Variants in ZNF536 observed in about 807,000 individuals in gnomAD.
ZNF536 encodes the protein zinc finger protein 536.
ZNF536 carries 13 observed loss-of-function variants against 84.5 expected under a neutral mutation model. The ratio of observed to expected loss-of-function variants is 0.15; its 90% CI spans 0.10 to 0.24. The LOEUF is 0.24. ZNF536 is among the 10% of genes least tolerant of loss of function. The pLI is 1.00. For missense variants in ZNF536, 1,536 were observed against 1,747.5 expected (o/e 0.88, Z 2.16); for synonymous variants, 811 against 742.5 (o/e 1.09, Z -1.50).
chr19:30,443,712 C>T lies in ZNF536; in HGVS notation c.150C>T (p.Leu50=), dbSNP rs778482494. 6.2e-7 allele frequency: 1 copy of T among 1,613,694 alleles called. No homozygotes were observed. Among genetic ancestry groups the T allele is most frequent in the Non-Finnish European group, 8.5e-7 (1 of 1,179,894 alleles). Residue 50 remains leucine, a synonymous_variant, in exon 2 of 5, where the codon CTC becomes CTT. Coordinates refer to ENST00000355537, the MANE Select transcript of ZNF536 (RefSeq NM_014717.3). ...AGCTCAGCCATGCCTTCCCCGAGCT[C>T]CATCCCCGGCCCAACCCCGAGGAGA... is the stretch of plus-strand genomic sequence containing the variant. ...TSQLSHAFPE[L]HPRPNPEEKP...
At position 30,554,900 on chromosome 19, in the gene ZNF536, G is replaced by A. The variant is rs573986176; in HGVS notation, c.3896-2257G>A. The A allele has an allele frequency of 9.5e-4, 145 of 152,338 alleles. 2 individuals are homozygous for A. The highest frequency in any genetic ancestry group is 3.5e-3 in the African/African-American group (144 of 41,566). The allele number at this position is 152,338 out of a possible 1,614,324, so 9.4% of individuals were successfully genotyped here. On this transcript the variant is annotated intron_variant, in intron 4 of 4. Transcript: ENST00000355537. ...GTCCTCTGTTATTCTGCTGGACAGT[G>A]AGATGGTGATGGGAGACCCCTCATC...
intron 1 of ZNF536, among the ~76,000 whole-genome samples, chr19:30,257,981 G>C (rs1389533689): frequency 6.6e-6 from 1 of 152,180 alleles, no homozygotes; most frequent in Non-Finnish European, 1.5e-5. Flanking sequence ...GGACTCTGCA[G>C]AACTAGGGCA....
At chr19:30,649,038 G>A (rs912665914) in intron 1 of ZNF536, among the ~76,000 whole-genome samples, 1 of 152,132 alleles carries the variant, frequency 6.6e-6, no homozygotes, top group African/African-American at 2.4e-5. Context: ...AGGACGGCTG[G>A]GGTCCTGATT....
In ZNF536 at chr19:30,557,948, T is replaced by C. The variant is rs1031182312; in HGVS notation, c.*784T>C. ...TCAAACTATATCTTTAAGTGTGCTG[T>C]ATGCTGAGTTACAAGTTAGGTCATT... On this transcript the variant is annotated 3_prime_UTR_variant, in exon 5 of 5. Transcript: ENST00000355537. The C allele has an allele frequency of 1.3e-5, 2 of 152,604 alleles. No individual in the cohort carries two copies. The highest frequency in any genetic ancestry group is 2.4e-5 in the African/African-American group (1 of 41,420). 9.5% of individuals were successfully genotyped at this position (152,604 alleles called of 1,614,324 possible).
At chr19:30,353,793 G>A (rs1272410137) in intron 3 of ZNF536, among the ~76,000 whole-genome samples, 3 of 152,204 alleles carry the variant, frequency 2.0e-5, no homozygotes, top group Non-Finnish European at 4.4e-5. Flanking sequence ...AAACACAGAT[G>A]GAGGAGTTAG....
At chr19:30,678,773 A>T (rs912929706) in intron 1 of ZNF536, among the ~76,000 whole-genome samples, 2 of 137,478 alleles carry the variant, frequency 1.5e-5, no homozygotes, top group Non-Finnish European at 3.1e-5. Flanking sequence ...TTTAGGCTTA[A>T]CTTTTGCTTT....
intron 1 of ZNF536, among the ~76,000 whole-genome samples, chr19:30,245,474 G>A (rs1238435011): frequency 1.3e-5 from 2 of 152,164 alleles, no homozygotes; most frequent in Admixed American, 6.5e-5. Flanking sequence ...TTGTAAGAAT[G>A]TTACTTTCCT....
chr19:30,509,573 C>T (rs1329876584), intron 2 of ZNF536, among the ~76,000 whole-genome samples: 1 of 150,780 alleles, frequency 6.6e-6, no homozygotes, highest in African/African-American at 2.4e-5. Context: ...ATTTAAGGCA[C>T]ACAACATGAC....
At chr19:30,473,215 A>G (rs186889056) in intron 2 of ZNF536, among the ~76,000 whole-genome samples, 244 of 141,440 alleles carry the variant, frequency 1.7e-3, no homozygotes, top group African/African-American at 5.5e-3. Flanking sequence ...CATAATAATA[A>G]TAGTAATAAT....
intron 2 of ZNF536, among the ~76,000 whole-genome samples, chr19:30,517,129 C>A (rs2044112575): frequency 6.6e-6 from 1 of 152,164 alleles, no homozygotes; most frequent in African/African-American, 2.4e-5. Context: ...TTCAGCATTT[C>A]TGGATGCAAT....
chr19:30,472,980 T>C (rs1202225025), intron 2 of ZNF536, among the ~76,000 whole-genome samples: 16 of 148,332 alleles, frequency 1.1e-4, no homozygotes, highest in Non-Finnish European at 1.5e-5. Context: ...TCACCTGAGG[T>C]CAGGAGTTCG....
At position 30,330,561 on chromosome 19, in the gene ZNF536, C is replaced by T. The variant is rs553244475; in HGVS notation, c.-119-21807C>T. On this transcript the variant is annotated intron_variant, in intron 2 of 5. Coordinates refer to the ZNF536 transcript ENST00000585628. Reference sequence around the variant, plus strand: ...GAAAAGGTTACATTGCCACTCTGGGCCTCAGGCTCCCATTTCTAGGAGGTA... The same window carrying T: ...GAAAAGGTTACATTGCCACTCTGGGTCTCAGGCTCCCATTTCTAGGAGGTA... 1.2e-3 allele frequency among the ~76,000 whole-genome samples: 185 copies of T among 152,256 alleles called. 2 individuals are homozygous for T. The highest frequency in any genetic ancestry group is 1.9e-3 in the Non-Finnish European group (126 of 68,028).
intron 1 of ZNF536, among the ~76,000 whole-genome samples, chr19:30,641,478 G>C (rs1050966192): frequency 1.3e-5 from 2 of 152,050 alleles, no homozygotes; most frequent in South Asian, 4.1e-4. Context: ...TTATTAAAAC[G>C]TATATGTATA....
At chr19:30,265,272 C>T (rs1168769952) in intron 1 of ZNF536, among the ~76,000 whole-genome samples, 4 of 152,168 alleles carry the variant, frequency 2.6e-5, no homozygotes, top group Admixed American at 2.6e-4. Flanking sequence ...CCAGCCTCTG[C>T]TGCTGCCAGG....
At chr19:30,410,908 T>A (rs961585836) in intron 1 of ZNF536, among the ~76,000 whole-genome samples, 1 of 152,234 alleles carries the variant, frequency 6.6e-6, no homozygotes, top group South Asian at 2.1e-4. Context: ...GGAGTTCTTG[T>A]TTTTCACAAA....
upstream of ZNF536, among the ~76,000 whole-genome samples, chr19:30,371,946 T>C (rs749739301): frequency 5.3e-5 from 8 of 152,180 alleles, no homozygotes; most frequent in Non-Finnish European, 1.2e-4. Context: ...AATCCGCTGC[T>C]TGTTTTCGTA....
chr19:30,333,654 C>T (rs558653935), intron 2 of ZNF536, among the ~76,000 whole-genome samples: 55 of 152,312 alleles, frequency 3.6e-4, no homozygotes, highest in Middle Eastern at 6.8e-3. Context: ...GTAGCTTCCA[C>T]CTGGCCTGAC....
At chr19:30,664,294 T>C (rs994893318) in intron 1 of ZNF536, among the ~76,000 whole-genome samples, 3 of 147,334 alleles carry the variant, frequency 2.0e-5, no homozygotes, top group Non-Finnish European at 3.0e-5. Flanking sequence ...CAGCAGCTGC[T>C]AGAACCAGCC....
chr19:30,267,289 A>C (rs2025563896), intron 1 of ZNF536, among the ~76,000 whole-genome samples: 1 of 152,228 alleles, frequency 6.6e-6, no homozygotes, highest in African/African-American at 2.4e-5. Flanking sequence ...TAATTTCAAA[A>C]TACCAATACA....
Sources: allele counts gnomAD v4.1 joint callset (sites outside exome capture counted in the v4.1 genomes callset), GRCh38; gene constraint gnomAD v4.1.1; transcripts MANE v1.5; gene names NCBI Gene and HGNC (gene_info 2026-07-23, HGNC 2026-07-21).